EPHB1: variants seen among roughly 807,000 people sequenced by gnomAD.
EPHB1 encodes the protein ephrin type-B receptor 1.
In EPHB1, 30 loss-of-function variants were observed where a neutral mutation model predicts 94.4. The observed-to-expected ratio is 0.32, with a 90% CI of 0.24 to 0.43. The LOEUF is 0.43. EPHB1 is among the 20% of genes least tolerant of loss of function. The pLI is 1.00. For synonymous variants in EPHB1, 522 were observed against 489.1 expected (o/e 1.07, Z -0.89); for missense variants, 1,055 against 1,308.3 (o/e 0.81, Z 2.99).
chr3:135,097,483 G>C (rs913275164), intron 3 of EPHB1, among the ~76,000 whole-genome samples: 2 of 152,138 alleles, frequency 1.3e-5, no homozygotes, highest in African/African-American at 4.8e-5. Flanking sequence ...CTGCTCTTCT[G>C]TTTGTCACCC....
intron 3 of EPHB1, among the ~76,000 whole-genome samples, chr3:135,017,814 C>CT (rs1385811080): frequency 1.3e-5 from 2 of 152,162 alleles, no homozygotes; most frequent in Non-Finnish European, 2.9e-5. Context: ...AGGACTGTGT[C>CT]TTTTCACTGG....
At chr3:135,181,961 CCTCTGCCCAGTTA>C (rs576422549) in intron 10 of EPHB1, among the ~76,000 whole-genome samples, 27 of 152,168 alleles carry the variant, frequency 1.8e-4, no homozygotes, top group Non-Finnish European at 3.1e-4. Flanking sequence ...GACATAAAGA[CCTCTGCCCAGTTA>C]CTCTGCCCAG....
chr3:135,096,012 G>A (rs1046021185), intron 3 of EPHB1, among the ~76,000 whole-genome samples: 3 of 152,176 alleles, frequency 2.0e-5, no homozygotes, highest in South Asian at 4.1e-4. Flanking sequence ...TCAATTCCAC[G>A]TGGGGAACAT....
intron 4 of EPHB1, among the ~76,000 whole-genome samples, chr3:135,119,080 A>G (rs1047701465): frequency 3.3e-5 from 5 of 152,070 alleles, no homozygotes; most frequent in Non-Finnish European, 5.9e-5. Context: ...AAGTTGGCTG[A>G]CCTCCTAGTC....
At chr3:135,018,502 C>T (rs554668000) in intron 3 of EPHB1, among the ~76,000 whole-genome samples, 56 of 152,216 alleles carry the variant, frequency 3.7e-4, no homozygotes, top group Non-Finnish European at 7.5e-4. Context: ...CACTGCAATC[C>T]CACCCCTTCT....
intron 3 of EPHB1, among the ~76,000 whole-genome samples, chr3:135,007,964 A>G (rs946845531): frequency 3.3e-5 from 5 of 152,242 alleles, no homozygotes; most frequent in African/African-American, 1.2e-4. Context: ...GGGATGGCCG[A>G]GGCCCCAGCC....
intron 3 of EPHB1, among the ~76,000 whole-genome samples, chr3:135,038,398 A>G (rs1253763617): frequency 6.6e-6 from 1 of 152,150 alleles, no homozygotes; most frequent in Non-Finnish European, 1.5e-5. Flanking sequence ...GCCCTGAGTA[A>G]ACATGTAAGT....
At position 135,208,377 on chromosome 3, in the gene EPHB1, G is replaced by A. The variant is rs949137467; in HGVS notation, c.2346+6688G>A. Among the ~76,000 whole-genome samples the A allele has an allele frequency of 2.0e-5, 3 of 151,824 alleles. No homozygotes were observed. The South Asian group carries it at 6.2e-4, about 32-fold the overall frequency. ...AGAGATGCACACGTGTGGCCCGAAA[G>A]TGATGGATTTGAATTTTAGAAAAAT... On this transcript the variant is annotated intron_variant, in intron 12 of 15. Transcript: ENST00000398015.
At chr3:135,076,693 A>C (rs551296152) in intron 3 of EPHB1, among the ~76,000 whole-genome samples, 1 of 152,328 alleles carries the variant, frequency 6.6e-6, no homozygotes, top group East Asian at 1.9e-4. Context: ...AAACCATCCA[A>C]ATGTTTATCA....
chr3:134,996,761 T>G (rs1702354421), intron 3 of EPHB1, among the ~76,000 whole-genome samples: 1 of 152,096 alleles, frequency 6.6e-6, no homozygotes, highest in Non-Finnish European at 1.5e-5. Flanking sequence ...TGATTGCCAG[T>G]TGGACTAAAA....
At chr3:134,963,360 G>A (rs1242633103) in intron 3 of EPHB1, among the ~76,000 whole-genome samples, 1 of 152,162 alleles carries the variant, frequency 6.6e-6, no homozygotes, top group Non-Finnish European at 1.5e-5. Context: ...GAATGCTGAT[G>A]CTCTGTTTAC....
chr3:135,094,042 C>T (rs1938657778), intron 3 of EPHB1, among the ~76,000 whole-genome samples: 1 of 152,266 alleles, frequency 6.6e-6, no homozygotes, highest in Middle Eastern at 3.4e-3. Context: ...GCCATGAGTG[C>T]CCTCATAGTT....
intron 3 of EPHB1, among the ~76,000 whole-genome samples, chr3:135,097,965 T>G (rs1938867698): frequency 6.6e-6 from 1 of 152,136 alleles, no homozygotes; most frequent in African/African-American, 2.4e-5. Flanking sequence ...CCTCCCATCC[T>G]CCCTCTGTGC....
intron 2 of EPHB1, among the ~76,000 whole-genome samples, chr3:134,932,169 C>G (rs3772664): frequency 1.3e-5 from 2 of 152,226 alleles, no homozygotes; most frequent in Admixed American, 1.3e-4. Flanking sequence ...CCAGAGCAGG[C>G]TTCTGTGAAG....
chr3:134,851,872 G>T (rs1172554161), intron 1 of EPHB1, among the ~76,000 whole-genome samples: 1 of 152,182 alleles, frequency 6.6e-6, no homozygotes, highest in Non-Finnish European at 1.5e-5. Context: ...CTTTGTCCAT[G>T]TTCAGAGCTC....
intron 3 of EPHB1, among the ~76,000 whole-genome samples, chr3:135,095,104 A>T (rs779992107): frequency 2.9e-4 from 44 of 151,942 alleles, no homozygotes; most frequent in Non-Finnish European, 4.6e-4. Context: ...TCATACTGCC[A>T]CTCCCAATAT....
intron 1 of EPHB1, among the ~76,000 whole-genome samples, chr3:134,840,995 C>T (rs1316926889): frequency 2.0e-5 from 3 of 152,210 alleles, no homozygotes; most frequent in Non-Finnish European, 2.9e-5. Flanking sequence ...GGGTTTTGCA[C>T]CACAATGCCT....
intron 9 of EPHB1, among the ~76,000 whole-genome samples, chr3:135,169,585 T>A (rs572628794): frequency 6.6e-6 from 1 of 152,276 alleles, no homozygotes; most frequent in South Asian, 2.1e-4. Context: ...GTCAAAGGAA[T>A]GTAGAGCTGG....
intron 3 of EPHB1, among the ~76,000 whole-genome samples, chr3:134,957,794 C>T (rs1293511817): frequency 6.6e-6 from 1 of 152,166 alleles, no homozygotes; most frequent in Non-Finnish European, 1.5e-5. Context: ...ATTTTCTGCT[C>T]AGGCCTACAA....
Sources: allele counts gnomAD v4.1 joint callset (sites outside exome capture counted in the v4.1 genomes callset), GRCh38; gene constraint gnomAD v4.1.1; transcripts MANE v1.5; gene names NCBI Gene and HGNC (gene_info 2026-07-23, HGNC 2026-07-21).